Variants in PATL1 observed in about 807,000 individuals in gnomAD.
PATL1 encodes the protein protein PAT1 homolog 1.
Under a neutral mutation model 100.6 loss-of-function variants are expected in PATL1, and 32 were observed. That is an observed-to-expected ratio of 0.32 (90% confidence interval 0.24 to 0.43). PATL1 has a LOEUF of 0.43. Among genes scored for constraint, PATL1 ranks in the 20% least tolerant of loss-of-function variants. The pLI, the probability that PATL1 is intolerant of heterozygous loss-of-function variation, is 1.00. For missense variants in PATL1, 747 were observed against 949.9 expected, an observed-to-expected ratio of 0.79 and a Z score of 2.81; for synonymous variants, 332 against 330.0, an observed-to-expected ratio of 1.01 and a Z score of -0.07.
At chr11:59,656,282 C>T (rs1171214289) in intron 6 of PATL1, among the ~76,000 whole-genome samples, 1 of 152,010 alleles carries the variant, frequency 6.6e-6, no homozygotes, top group African/African-American at 2.4e-5. Flanking sequence ...CAGATGATCA[C>T]AATGAGTTTA....
rs372701328 is a variant in PATL1, at chr11:59,654,011, A to G, written c.1093T>C (p.Leu365=). 1.2e-6 allele frequency: 2 copies of G among 1,613,560 alleles called. No individual in the cohort carries two copies. Among genetic ancestry groups the G allele is most frequent in the Non-Finnish European group, 1.7e-6 (2 of 1,179,624 alleles). ...THLHPQHRRL[L]HQRQQQNRSQ... Reference sequence around the variant, plus strand: ...CTATTCTGTTGCTGTCTCTGATGCAAGAGTCGACGGTGCTGTGGATGGAGG... The same window carrying G: ...CTATTCTGTTGCTGTCTCTGATGCAGGAGTCGACGGTGCTGTGGATGGAGG... Residue 365 remains leucine (L), a synonymous_variant, in exon 9 of 19, where the codon TTG becomes CTG. Transcript: ENST00000300146.
Position 59,637,945 on chromosome 11 carries a change from A to T in PATL1, c.*445T>A, listed in dbSNP as rs1391263202. The T allele has an allele frequency of 5.3e-6, 1 of 189,378 alleles. No individual in the cohort carries two copies. Among genetic ancestry groups the T allele is most frequent in the East Asian group, 1.2e-4 (1 of 8,074 alleles). The allele number at this position is 189,378 out of a possible 1,614,324, so 11.7% of individuals were successfully genotyped here. A position where few individuals can be genotyped will look rare whatever the true frequency, so the allele number is the denominator to read the frequency against. On this transcript the variant is annotated 3_prime_UTR_variant, in exon 19 of 19. Coordinates refer to ENST00000300146, the MANE Select transcript of PATL1 (RefSeq NM_152716.3). The stretch of plus-strand genomic sequence containing the variant: ...TGTGTGTGTATCTATGTGTGTGTGT[A>T]TATCTTGATTTCTACTTAATTGGCT...
In PATL1 at chr11:59,653,078, A is replaced by G. The variant is rs1160975020; in HGVS notation, c.1122-60T>C. On this transcript the variant is annotated intron_variant, in intron 9 of 18. Coordinates refer to ENST00000300146, the MANE Select transcript of PATL1 (RefSeq NM_152716.3). ...CAAATTAATTACGCTTTTTAACAAC[A>G]GAGGAATAAACCAGGCCAGTTTTTT... 5.7e-6 allele frequency: 8 copies of G among 1,414,800 alleles called. No homozygotes were observed. The East Asian group carries it at 1.9e-4, about 33-fold the overall frequency. 87.6% of individuals were successfully genotyped at this position (1,414,800 alleles called of 1,614,324 possible). A position where few individuals can be genotyped will look rare whatever the true frequency, so the allele number is the denominator to read the frequency against.
Position 59,637,166 on chromosome 11 carries a change from A to G in PATL1, c.*1224T>C, listed in dbSNP as rs1320612867. ...GCCATGTAAAATTAATTCAGATTTA[A>G]TTTTCTTCAGGGCTGTAATCACTAG... On this transcript the variant is annotated 3_prime_UTR_variant, in exon 19 of 19. Transcript: ENST00000300146. 6.6e-6 allele frequency: 1 copy of G among 152,482 alleles called. No homozygotes were observed. The highest frequency in any genetic ancestry group is 2.4e-5 in the African/African-American group (1 of 41,436). The allele number at this position is 152,482 out of a possible 1,614,324, so 9.4% of individuals were successfully genotyped here.
rs1861431694 is a variant in PATL1 at position 59,650,735 on chromosome 11, C to G, written c.1584+19G>C. 2.0e-6 allele frequency: 3 copies of G among 1,525,316 alleles called. No individual in the cohort carries two copies. The East Asian group carries it at 7.2e-5, about 36-fold the overall frequency. 94.5% of individuals were successfully genotyped at this position (1,525,316 alleles called of 1,614,324 possible). On this transcript the variant is annotated intron_variant, in intron 13 of 18. Transcript: ENST00000300146. ...GTTCCGTATTTGAAACTAACTACAG[C>G]AACAAATTCTAAACTTACTTTCTCA...
At position 59,647,739 on chromosome 11, in the gene PATL1, A is replaced by G. The variant is rs1861383879; in HGVS notation, c.1893+15T>C. 3 of 1,613,226 alleles carry G rather than the reference A, an allele frequency of 1.9e-6. No homozygotes were observed. Among genetic ancestry groups the G allele is most frequent in the Admixed American group, 3.3e-5 (2 of 59,966 alleles). ...TAAAGACTCAAAAGAAAGATGTCCC[A>G]TCTTGCATAGTCACCTCATCTTGTG... On this transcript the variant is annotated intron_variant, in intron 15 of 18. Transcript: ENST00000300146.
intron 15 of PATL1, among the ~76,000 whole-genome samples, chr11:59,646,110 C>T (rs1861360972): frequency 6.6e-6 from 1 of 152,116 alleles, no homozygotes. Context: ...CAAATTATCT[C>T]CCAAACTTGT....
chr11:59,642,725 CTGT>C (rs1244249111), intron 16 of PATL1, 152 bp downstream of exon 16: 1 of 769,924 alleles, frequency 1.3e-6, no homozygotes, highest in Non-Finnish European at 2.0e-6. Context: ...GTTGAAAACA[CTGT>C]TATTTCTAGC....
chr11:59,648,084 A>G (rs1861388045), intron 14 of PATL1, among the ~76,000 whole-genome samples, 171 bp from the exon 15 acceptor site: 1 of 152,190 alleles, frequency 6.6e-6, no homozygotes, highest in African/African-American at 2.4e-5. Flanking sequence ...AATAAAAAGT[A>G]AATTTTCAGG....
chr11:59,650,949 AC>A (rs1327216387), intron 12 of PATL1, 136 bp from the exon 13 acceptor site: 1 of 634,706 alleles, frequency 1.6e-6, no homozygotes, highest in Non-Finnish European at 2.6e-6. Context: ...ATCTAAAACA[AC>A]CCTAGTATGA....
In PATL1 at chr11:59,661,542, C is replaced by CT. The variant is rs368573770; in HGVS notation, c.128-2074dup. 3.4e-3 allele frequency among the ~76,000 whole-genome samples: 514 copies of CT among 152,156 alleles called. 2 individuals are homozygous for CT. The highest frequency in any genetic ancestry group is 4.4e-3 in the Non-Finnish European group (301 of 67,976). ...TATTTTGTATATGTTATATGGTATT[C>CT]TTTTTTTAGTTACATCCTTTATATG... On this transcript the variant is annotated intron_variant, in intron 2 of 18. Coordinates refer to ENST00000300146, the MANE Select transcript of PATL1 (RefSeq NM_152716.3).
intron 16 of PATL1, among the ~76,000 whole-genome samples, chr11:59,641,154 G>C (rs953599175): frequency 2.6e-5 from 4 of 151,544 alleles, no homozygotes; most frequent in Non-Finnish European, 5.9e-5. Context: ...ATGAGTGACA[G>C]AGCAAGGCTC....
At position 59,659,302 on chromosome 11, in the gene PATL1, G is replaced by C; in HGVS notation, c.295C>G (p.Leu99Val). The change falls in exon 3 of 19, where the codon CTA becomes GTA. Residue 99 changes from leucine (L) to valine (V), a missense_variant. This residue lies in a region of PATL1 where 183 missense variants were observed against 221.2 expected (regional missense o/e 0.83). Transcript: ENST00000300146. ...GCCCTCATAATAGCTGGATCTTCTAGTTCATTTTCAATCACCATCTTACTG... is the reference window on the plus strand; with the variant it reads ...GCCCTCATAATAGCTGGATCTTCTACTTCATTTTCAATCACCATCTTACTG... Reference protein sequence around the residue: ...RLSKMVIENELEDPAIMRAVQ... With the variant: ...RLSKMVIENEVEDPAIMRAVQ... 6.4e-7 allele frequency: 1 copy of C among 1,551,400 alleles called. No individual in the cohort carries two copies. Among genetic ancestry groups the C allele is most frequent in the Non-Finnish European group, 8.7e-7 (1 of 1,146,808 alleles).
chr11:59,639,113 G>A lies in PATL1; in HGVS notation c.2226C>T (p.Asn742=), dbSNP rs759887834. 1.9e-6 allele frequency: 3 copies of A among 1,614,010 alleles called. No homozygotes were observed. The highest frequency in any genetic ancestry group is 1.7e-6 in the Non-Finnish European group (2 of 1,179,890). Residue 742 remains asparagine (N), a synonymous_variant, in exon 18 of 19, where the codon AAC becomes AAT. Coordinates refer to ENST00000300146, the MANE Select transcript of PATL1 (RefSeq NM_152716.3). ...CATAGCGAGAAAAGAGGGACACTAGGTTTGTAGGTATAGAGATTGGCTTGG... is the reference window on the plus strand; with the variant it reads ...CATAGCGAGAAAAGAGGGACACTAGATTTGTAGGTATAGAGATTGGCTTGG... ...ALAKPISIPT[N]LVSLFSRYVD... is the part of the protein sequence containing the mutation.
intron 2 of PATL1, among the ~76,000 whole-genome samples, chr11:59,664,777 C>T (rs948352032): frequency 2.0e-5 from 3 of 152,092 alleles, no homozygotes; most frequent in Admixed American, 2.0e-4. Flanking sequence ...ACTATGTTGC[C>T]GAGGATGGTC....
chr11:59,667,241 G>T, intron 1 of PATL1: 1 of 306,344 alleles, frequency 3.3e-6, no homozygotes, highest in Non-Finnish European at 4.8e-6. Context: ...ACGAACAGCA[G>T]TTCCTCATGC....
chr11:59,664,747 T>A (rs1473443277), intron 2 of PATL1, among the ~76,000 whole-genome samples: 1 of 152,082 alleles, frequency 6.6e-6, no homozygotes, highest in African/African-American at 2.4e-5. Context: ...TCAAAAAAAA[T>A]TTTGTGGAGA....
intron 4 of PATL1, 41 bp from the exon 5 acceptor site, chr11:59,657,765 CTT>C: frequency 6.8e-7 from 1 of 1,470,688 alleles, no homozygotes; most frequent in Non-Finnish European, 9.2e-7. Context: ...AATTAACTAA[CTT>C]GGTATGTTTT....
intron 9 of PATL1, among the ~76,000 whole-genome samples, chr11:59,653,453 C>A (rs1733157811): frequency 6.6e-6 from 1 of 152,128 alleles, no homozygotes; most frequent in African/African-American, 2.4e-5. Flanking sequence ...CATTAAAAAT[C>A]ACGAAATATT....
Sources: allele counts gnomAD v4.1 joint callset (sites outside exome capture counted in the v4.1 genomes callset), GRCh38; gene constraint gnomAD v4.1.1; regional missense constraint gnomAD v4.1.1; transcripts MANE v1.5; gene names NCBI Gene and HGNC (gene_info 2026-07-23, HGNC 2026-07-21).